Variants in RNF216 observed in about 807,000 individuals in gnomAD.
The protein encoded by RNF216 is ring finger protein 216, also known as E3 ubiquitin-protein ligase RNF216.
RNF216 carries 72 observed loss-of-function variants against 110.8 expected under a neutral mutation model. That is an observed-to-expected ratio of 0.65 (90% confidence interval 0.54 to 0.79). The LOEUF (loss-of-function observed/expected upper bound fraction) is 0.79. Among genes scored for constraint, RNF216 ranks in the 30% least tolerant of loss-of-function variants. The probability of loss-of-function intolerance (pLI) is 0.00; values close to 1 mark genes in which losing one functional copy is unlikely to be tolerated. For synonymous variants in RNF216, 495 were observed against 407.5 expected (o/e 1.21, Z -2.59); for missense variants, 1,342 against 1,141.2 (o/e 1.18, Z -2.54).
intron 3 of RNF216, among the ~76,000 whole-genome samples, chr7:5,744,278 T>C (rs1162017249): frequency 3.9e-5 from 6 of 152,050 alleles, no homozygotes; most frequent in Non-Finnish European, 1.5e-5. Flanking sequence ...TTTAAGTAAA[T>C]ACAGTTGAAG....
chr7:5,774,565 A>T (rs1584625644), intron 1 of RNF216, among the ~76,000 whole-genome samples: 1 of 152,232 alleles, frequency 6.6e-6, no homozygotes. Context: ...ATTAACTGTT[A>T]CCTGCGAAAC....
chr7:5,620,267 C>G lies in RNF216; in HGVS notation c.*2593G>C, dbSNP rs752161532. 1 of 152,214 alleles carries G rather than the reference C, an allele frequency of 6.6e-6. No homozygotes were observed. Among genetic ancestry groups the G allele is most frequent in the African/African-American group, 2.4e-5 (1 of 41,458 alleles). 9.4% of individuals were successfully genotyped at this position (152,214 alleles called of 1,614,324 possible). On this transcript the variant is annotated 3_prime_UTR_variant, in exon 17 of 17. Coordinates refer to ENST00000389902, the MANE Select transcript of RNF216 (RefSeq NM_207111.4). ...TTTGCTAAGTGCAAATACTAGATTCCTCTCTCCAGTTTTAAGGCAAGTAAG... is the reference window on the plus strand; with the variant it reads ...TTTGCTAAGTGCAAATACTAGATTCGTCTCTCCAGTTTTAAGGCAAGTAAG...
intron 13 of RNF216, among the ~76,000 whole-genome samples, chr7:5,695,827 A>G (rs918991017): frequency 8.5e-5 from 13 of 152,254 alleles, no homozygotes; most frequent in African/African-American, 3.1e-4. Flanking sequence ...ATTTATGAAC[A>G]GTGTCAAGCC....
At chr7:5,708,009 G>A (rs1449184487) in intron 13 of RNF216, among the ~76,000 whole-genome samples, 1 of 152,172 alleles carries the variant, frequency 6.6e-6, no homozygotes, top group Non-Finnish European at 1.5e-5. Context: ...TGACAGGTGG[G>A]AGCCACCATG....
intron 12 of RNF216, among the ~76,000 whole-genome samples, chr7:5,712,101 A>G (rs1792739679): frequency 6.6e-6 from 1 of 152,202 alleles, no homozygotes; most frequent in African/African-American, 2.4e-5. Flanking sequence ...AACTCCTTGC[A>G]TATACCGATT....
At chr7:5,716,058 TATTTTTA>T (rs995561987) in intron 10 of RNF216, among the ~76,000 whole-genome samples, 3 of 152,120 alleles carry the variant, frequency 2.0e-5, no homozygotes, top group African/African-American at 7.2e-5. Context: ...TTTATTTATT[TATTTTTA>T]ATTTTTATTA....
chr7:5,649,858 C>T (rs928278414), intron 14 of RNF216: 1 of 152,338 alleles, frequency 6.6e-6, no homozygotes. Context: ...CCCCTGGCAA[C>T]TGGTATGCTG....
At chr7:5,648,991 G>A (rs1042208567) in intron 14 of RNF216, among the ~76,000 whole-genome samples, 2 of 152,156 alleles carry the variant, frequency 1.3e-5, no homozygotes, top group Non-Finnish European at 2.9e-5. Flanking sequence ...GGTCATAAAG[G>A]TAAGTGCTAT....
chr7:5,671,271 C>A (rs1479295801), intron 13 of RNF216, among the ~76,000 whole-genome samples: 1 of 152,160 alleles, frequency 6.6e-6, no homozygotes, highest in Non-Finnish European at 1.5e-5. Context: ...ATCTCTAAGC[C>A]CAGTGGTAAC....
intron 4 of RNF216, 31 bp downstream of exon 4, chr7:5,740,942 G>C (rs750875172): frequency 1.3e-6 from 2 of 1,540,150 alleles, no homozygotes; most frequent in Non-Finnish European, 1.7e-6. Flanking sequence ...TATATGTAGT[G>C]TCTACATTTA....
chr7:5,765,964 AAAAG>A (rs1301591021), intron 1 of RNF216, among the ~76,000 whole-genome samples: 2 of 148,716 alleles, frequency 1.3e-5, no homozygotes, highest in African/African-American at 2.5e-5. Context: ...AAAAAAAAAA[AAAAG>A]AAAGAAAGAA....
intron 5 of RNF216, among the ~76,000 whole-genome samples, chr7:5,731,727 TC>T (rs199719941): frequency 0.038 from 5,809 of 151,284 alleles, 243 homozygotes; most frequent in East Asian, 0.072. Flanking sequence ...TAAGATGACC[TC>T]CTAGGTGCTA....
At chr7:5,629,535 A>C (rs934015772) in intron 15 of RNF216, among the ~76,000 whole-genome samples, 1 of 152,012 alleles carries the variant, frequency 6.6e-6, no homozygotes, top group African/African-American at 2.4e-5. Flanking sequence ...ACCACAATTA[A>C]AAAGAGGGAG....
intron 10 of RNF216, among the ~76,000 whole-genome samples, 153 bp downstream of exon 10, chr7:5,716,563 T>C (rs1793078162): frequency 6.6e-6 from 1 of 151,732 alleles, no homozygotes; most frequent in African/African-American, 2.4e-5. Context: ...CTATACTAGA[T>C]CACGTATCTG....
At chr7:5,665,966 C>T (rs1287701679) in intron 13 of RNF216, among the ~76,000 whole-genome samples, 3 of 152,048 alleles carry the variant, frequency 2.0e-5, no homozygotes, top group Non-Finnish European at 2.9e-5. Context: ...GAGATCGAGA[C>T]GATCCTGGCT....
rs192226301 is a variant in RNF216, at chr7:5,767,121, T to C, written c.-69-5983A>G. Among the ~76,000 whole-genome samples, 192 of 152,332 alleles carry C rather than the reference T, an allele frequency of 1.3e-3. 1 individual carries two copies. Among genetic ancestry groups the C allele is most frequent in the African/African-American group, 4.4e-3 (185 of 41,578 alleles). ...GCCATGACAAAGTATTAATAGCCTA[T>C]AGTAGACCAACCCTTTGCCTCTTCT... On this transcript the variant is annotated intron_variant, in intron 1 of 16. Coordinates refer to ENST00000389902, the MANE Select transcript of RNF216 (RefSeq NM_207111.4).
intron 13 of RNF216, among the ~76,000 whole-genome samples, chr7:5,675,616 G>C (rs1790233190): frequency 6.6e-6 from 1 of 152,152 alleles, no homozygotes; most frequent in Admixed American, 6.5e-5. Flanking sequence ...GCTCCAGCCT[G>C]GGTGACAGAG....
At chr7:5,652,650 T>C in intron 13 of RNF216, 140 bp from the exon 14 acceptor site, 1 of 630,358 alleles carries the variant, frequency 1.6e-6, no homozygotes, top group Non-Finnish European at 2.9e-6. Flanking sequence ...AGGGGGGATA[T>C]TTCTAAAGAC....
intron 1 of RNF216, among the ~76,000 whole-genome samples, chr7:5,763,469 A>G (rs556672502): frequency 1.3e-5 from 2 of 152,234 alleles, no homozygotes; most frequent in East Asian, 3.9e-4. Flanking sequence ...ATTTCTACTA[A>G]AAATATAAAA....
Sources: allele counts gnomAD v4.1 joint callset (sites outside exome capture counted in the v4.1 genomes callset), GRCh38; gene constraint gnomAD v4.1.1; transcripts MANE v1.5; gene names NCBI Gene and HGNC (gene_info 2026-07-23, HGNC 2026-07-21).